PRMT1: variants seen among roughly 807,000 people sequenced by gnomAD.
The protein encoded by PRMT1 is protein arginine N-methyltransferase 1.
Under a neutral mutation model 47.4 loss-of-function variants are expected in PRMT1, and 5 were observed. The observed-to-expected ratio is 0.11, with a 90% CI of 0.06 to 0.22. The LOEUF (loss-of-function observed/expected upper bound fraction) is 0.22. Among genes scored for constraint, PRMT1 ranks in the 10% least tolerant of loss-of-function variants. PRMT1 has a pLI of 1.00. For synonymous variants in PRMT1, 227 were observed against 204.6 expected (o/e 1.11, Z -0.94); for missense variants, 249 against 518.4 (o/e 0.48, Z 5.05).
chr19:49,679,480 A>G, intron 1 of PRMT1: 4 of 499,104 alleles, frequency 8.0e-6, no homozygotes, highest in South Asian at 4.6e-5. Flanking sequence ...ATGGCACCCT[A>G]GGATAGGGGT....
At chr19:49,676,802 G>A (rs112467874), upstream of PRMT1, among the ~76,000 whole-genome samples, 3,182 of 152,264 alleles carry the variant, frequency 0.021, 64 homozygotes, top group Non-Finnish European at 0.032. Flanking sequence ...CCTTGAGGCC[G>A]GCCGCTTGGC....
Position 49,684,439 on chromosome 19 carries a change from CAGG to C in PRMT1, c.556-306_556-304del, listed in dbSNP as rs1171401316. Among the ~76,000 whole-genome samples the C allele has an allele frequency of 2.0e-5, 3 of 151,982 alleles. No homozygotes were observed. The highest frequency in any genetic ancestry group is 7.3e-5 in the African/African-American group (3 of 41,376). On this transcript the variant is annotated intron_variant, in intron 6 of 10. Coordinates refer to ENST00000454376, the MANE Select transcript of PRMT1 (RefSeq NM_001536.6). The surrounding 1 kb of genome is among the most constrained non-coding windows in gnomAD (Gnocchi z 6.2). ...GTGGAAGGAGGGTCTAGAACGGCAG[CAGG>C]AGGAGGAGTGGAGGTGAGGGGTGAC...
chr19:49,688,093 C>G lies in PRMT1; in HGVS notation c.1033-69C>G, dbSNP rs958413537. 4 of 1,365,124 alleles carry G rather than the reference C, an allele frequency of 2.9e-6. No individual in the cohort carries two copies. Among genetic ancestry groups the G allele is most frequent in the Non-Finnish European group, 4.2e-6 (4 of 953,842 alleles). 84.6% of individuals were successfully genotyped at this position (1,365,124 alleles called of 1,614,324 possible). A position where few individuals can be genotyped will look rare whatever the true frequency, so the allele number is the denominator to read the frequency against. ...GGAGCCCGGCTCATCGTCGCATAGC[C>G]TGCCTGCACCCGCCCCCCGCCACCA... On this transcript the variant is annotated intron_variant, in intron 10 of 10. Coordinates refer to ENST00000454376, the MANE Select transcript of PRMT1 (RefSeq NM_001536.6). This position sits in a 1 kb window ranked among gnomAD's most constrained non-coding sequence, Gnocchi z 5.3.
intron 1 of PRMT1, among the ~76,000 whole-genome samples, chr19:49,678,882 CTT>C (rs777584653): frequency 9.8e-5 from 13 of 132,720 alleles, no homozygotes; most frequent in Admixed American, 2.3e-4. Context: ...CCCCAAGCCA[CTT>C]TTTTTTTTTT....
rs773812033 is a variant in PRMT1 at position 49,680,617 on chromosome 19, A to G, written c.192+29A>G. ...AGTGGGGACAGTCCCCAAGGCCCCA[A>G]TCTTAGGGGGGCTTAAATGTTGGGG... On this transcript the variant is annotated intron_variant, in intron 3 of 10. Coordinates refer to ENST00000454376, the MANE Select transcript of PRMT1 (RefSeq NM_001536.6). The surrounding 1 kb of genome is among the most constrained non-coding windows in gnomAD (Gnocchi z 4.2). 4.6e-5 allele frequency: 69 copies of G among 1,508,256 alleles called. No individual in the cohort carries two copies. Among genetic ancestry groups the G allele is most frequent in the East Asian group, 6.8e-5 (3 of 44,406 alleles). 93.4% of individuals were successfully genotyped at this position (1,508,256 alleles called of 1,614,324 possible). A position where few individuals can be genotyped will look rare whatever the true frequency, so the allele number is the denominator to read the frequency against.
At chr19:49,679,455 T>C (rs766820018) in intron 1 of PRMT1, 1 of 476,972 alleles carries the variant, frequency 2.1e-6, no homozygotes, top group Non-Finnish European at 4.1e-6. Context: ...CCAGCCCCGC[T>C]CCCTTCTGCT....
rs1450365551 is a variant in PRMT1, at chr19:49,688,119, C to T, written c.1033-43C>T. The T allele has an allele frequency of 6.4e-7, 1 of 1,569,658 alleles. No individual in the cohort carries two copies. Among genetic ancestry groups the T allele is most frequent in the East Asian group, 2.2e-5 (1 of 44,644 alleles). On this transcript the variant is annotated intron_variant, in intron 10 of 10. Coordinates refer to ENST00000454376, the MANE Select transcript of PRMT1 (RefSeq NM_001536.6). The surrounding 1 kb of genome is among the most constrained non-coding windows in gnomAD (Gnocchi z 5.3). ...TGCCTGCACCCGCCCCCCGCCACCACCTCCTGGTGGGTTCCGCCCTCATGC... is the reference window on the plus strand; with the variant it reads ...TGCCTGCACCCGCCCCCCGCCACCATCTCCTGGTGGGTTCCGCCCTCATGC...
Position 49,677,290 on chromosome 19 carries a change from G to T in PRMT1, c.10G>T (p.Ala4Ser). 7.1e-7 allele frequency: 1 copy of T among 1,414,874 alleles called. No homozygotes were observed. The allele number at this position is 1,414,874 out of a possible 1,614,324, so 87.6% of individuals were successfully genotyped here. A position where few individuals can be genotyped will look rare whatever the true frequency, so the allele number is the denominator to read the frequency against. Reference sequence around the variant, plus strand: ...GTAGGTGCGGGTGAAGATGGCGGCAGCCGAGGCCGCGAACTGCATCATGGA... The same window carrying T: ...GTAGGTGCGGGTGAAGATGGCGGCATCCGAGGCCGCGAACTGCATCATGGA... MAA[A>S]EAANCIMENF... Residue 4 changes from alanine to serine, a missense_variant, in exon 1 of 11, where the codon GCC (alanine) becomes TCC (serine). This residue lies in a region of PRMT1 where 59 missense variants were observed against 61.7 expected (regional missense o/e 0.96). Coordinates refer to ENST00000454376, the MANE Select transcript of PRMT1 (RefSeq NM_001536.6).
Position 49,679,614 on chromosome 19 carries a change from C to G in PRMT1, c.37-258C>G, listed in dbSNP as rs1045839280. The G allele has an allele frequency of 5.7e-6, 4 of 697,010 alleles. No individual in the cohort carries two copies. The African/African-American group carries it at 6.9e-5, about 12-fold the overall frequency. 43.2% of individuals were successfully genotyped at this position (697,010 alleles called of 1,614,324 possible). ...GGGAGGTGTGTGGTCAGCTGCCTGG[C>G]CAGAGAGGGGCAGCGTGGGGGTGGG... On this transcript the variant is annotated intron_variant, in intron 1 of 10. Coordinates refer to ENST00000454376, the MANE Select transcript of PRMT1 (RefSeq NM_001536.6).
Position 49,677,533 on chromosome 19 carries a change from C to T in PRMT1, c.36+217C>T, listed in dbSNP as rs1342211887. 1.2e-5 allele frequency: 5 copies of T among 405,952 alleles called. 1 individual carries two copies. Among genetic ancestry groups the T allele is most frequent in the South Asian group, 1.1e-4 (1 of 9,018 alleles). 25.1% of individuals were successfully genotyped at this position (405,952 alleles called of 1,614,324 possible). ...CATCCGGCCTAGCGGAGGGTCTTATCCCCCCTCCCACGTGGAGGAGGGCTG... is the reference window on the plus strand; with the variant it reads ...CATCCGGCCTAGCGGAGGGTCTTATTCCCCCTCCCACGTGGAGGAGGGCTG... On this transcript the variant is annotated intron_variant, in intron 1 of 10. Coordinates refer to ENST00000454376, the MANE Select transcript of PRMT1 (RefSeq NM_001536.6).
chr19:49,682,158 G>A (rs1391728003), intron 4 of PRMT1, 38 bp from the exon 5 acceptor site: 2 of 1,613,610 alleles, frequency 1.2e-6, no homozygotes, highest in African/African-American at 1.3e-5. Context: ...ATGGGGGCAG[G>A]GGATGGGTCT....
Position 49,683,619 on chromosome 19 carries a change from C to T in PRMT1, c.413-308C>T, listed in dbSNP as rs371427245. The stretch of plus-strand genomic sequence containing the variant: ...AGGAGAATGGCGTGAACCCGGGAGG[C>T]GGAGGTTGCAGTGAGCTGAGATCAC... On this transcript the variant is annotated intron_variant, in intron 5 of 10. Transcript: ENST00000454376. 2.0e-3 allele frequency: 461 copies of T among 224,892 alleles called. 3 individuals are homozygous for T. Among genetic ancestry groups the T allele is most frequent in the South Asian group, 0.01 (203 of 19,412 alleles). The allele number at this position is 224,892 out of a possible 1,614,324, so 13.9% of individuals were successfully genotyped here.
intron 1 of PRMT1, among the ~76,000 whole-genome samples, chr19:49,678,593 T>C (rs1186340469): frequency 6.6e-6 from 1 of 152,118 alleles, no homozygotes; most frequent in Non-Finnish European, 1.5e-5. Context: ...TCTTGGAGAC[T>C]TGGATAGTGG....
rs773171975 is a variant in PRMT1 at position 49,682,122 on chromosome 19, C to T, written c.348+57C>T. ...GCCTGAGGGATGGAGGGGAGCCCAT[C>T]AGGGCTCAGGGATTGGATGGAGGTG... On this transcript the variant is annotated intron_variant, in intron 4 of 10. Transcript: ENST00000454376. 16 of 1,613,178 alleles carry T rather than the reference C, an allele frequency of 9.9e-6. No homozygotes were observed. The Admixed American group carries it at 2.3e-4, about 24-fold the overall frequency.
rs1329772457 is a variant in PRMT1, at chr19:49,680,594, TG to T, written c.192+10del. ...CACACTTTGGCATCCACGAGGTCAG[TG>T]GGGACAGTCCCCAAGGCCCCAATCT... On this transcript the variant is annotated splice_region_variant and intron_variant, in intron 3 of 10. Transcript: ENST00000454376. This position sits in a 1 kb window ranked among gnomAD's most constrained non-coding sequence, Gnocchi z 4.2. The T allele has an allele frequency of 4.4e-6, 7 of 1,603,086 alleles. No homozygotes were observed. In the South Asian group the frequency reaches 5.5e-5, roughly 13 times the overall value.
chr19:49,681,869 A>G lies in PRMT1; in HGVS notation c.193-41A>G. On this transcript the variant is annotated intron_variant, in intron 3 of 10. Transcript: ENST00000454376. The surrounding 1 kb of genome is among the most constrained non-coding windows in gnomAD (Gnocchi z 4.4). ...GACACGCTGTTCTCCAGCTGGGGAT[A>G]TGGGGCCCCTCACGGCGTCTCTGTG... The G allele has an allele frequency of 2.5e-6, 4 of 1,586,716 alleles. No individual in the cohort carries two copies. The highest frequency in any genetic ancestry group is 3.4e-6 in the Non-Finnish European group (4 of 1,161,994).
intron 10 of PRMT1, 70 bp downstream of exon 10, chr19:49,686,796 T>C: frequency 2.5e-5 from 1 of 40,206 alleles, no homozygotes. Context: ...GGGGGAGTGG[T>C]GGGGGAGGAA....
intron 10 of PRMT1, chr19:49,687,853 T>G: frequency 1.1e-5 from 5 of 452,814 alleles, no homozygotes; most frequent in Middle Eastern, 6.3e-4. Flanking sequence ...TTGGGAGAGG[T>G]TTTCTTTTTT....
Position 49,688,315 on chromosome 19 carries a change from C to A in PRMT1, c.*70C>A. ...CTAGGCGGTTTCGGGGCTCCCCCTT[C>A]CTCTCCCTCCCTCCCGCAGAAGGGG... On this transcript the variant is annotated 3_prime_UTR_variant, in exon 11 of 11. Coordinates refer to ENST00000454376, the MANE Select transcript of PRMT1 (RefSeq NM_001536.6). This position sits in a 1 kb window ranked among gnomAD's most constrained non-coding sequence, Gnocchi z 5.3. 1 of 1,461,312 alleles carries A rather than the reference C, an allele frequency of 6.8e-7. No homozygotes were observed. The highest frequency in any genetic ancestry group is 9.5e-7 in the Non-Finnish European group (1 of 1,047,406). 90.5% of individuals were successfully genotyped at this position (1,461,312 alleles called of 1,614,324 possible).
Sources: gnomAD v4.1 joint callset for allele counts (sites outside exome capture counted in the v4.1 genomes callset) on GRCh38, gnomAD v4.1.1 for gene constraint, gnomAD v4.1.1 regional missense constraint, Gnocchi (gnomAD v3.1) non-coding constraint, MANE v1.5 for transcripts, NCBI Gene and HGNC (gene_info 2026-07-23, HGNC 2026-07-21) for gene names.